KPNA5: variants seen among roughly 807,000 people sequenced by gnomAD.
The protein encoded by KPNA5 is importin subunit alpha-6.
In KPNA5, 46 loss-of-function variants were observed where a neutral mutation model predicts 71.3. The ratio of observed to expected loss-of-function variants is 0.65; its 90% CI spans 0.51 to 0.83. KPNA5 has a LOEUF of 0.83. KPNA5 is among the 40% of genes least tolerant of loss of function. KPNA5 has a pLI of 0.00. For missense variants in KPNA5, 547 were observed against 628.3 expected, an observed-to-expected ratio of 0.87 and a Z score of 1.38; for synonymous variants, 207 against 201.4, an observed-to-expected ratio of 1.03 and a Z score of -0.24.
At chr6:116,705,426 A>G (rs1019722737) in intron 7 of KPNA5, among the ~76,000 whole-genome samples, 1 of 152,226 alleles carries the variant, frequency 6.6e-6, no homozygotes, top group Non-Finnish European at 1.5e-5. Context: ...AAGGATATAT[A>G]GTAGTTTATA....
chr6:116,734,617 A>G lies in KPNA5; in HGVS notation c.*2294A>G. 6.6e-6 allele frequency: 1 copy of G among 151,432 alleles called. No homozygotes were observed. The highest frequency in any genetic ancestry group is 1.5e-5 in the Non-Finnish European group (1 of 67,576). The allele number at this position is 151,432 out of a possible 1,614,324, so 9.4% of individuals were successfully genotyped here. On this transcript the variant is annotated 3_prime_UTR_variant, in exon 14 of 14. Transcript: ENST00000368564. ...TTATTGTTAAGAGTTTATTGGATCA[A>G]GACTAACAAATAACTTTGTGATGAA...
chr6:116,685,613 G>T (rs1777548289), intron 1 of KPNA5, among the ~76,000 whole-genome samples: 1 of 152,168 alleles, frequency 6.6e-6, no homozygotes, highest in Non-Finnish European at 1.5e-5. Context: ...CAGAAGACAT[G>T]ATCACATTCT....
At chr6:116,685,220 C>T (rs1369493617) in intron 1 of KPNA5, among the ~76,000 whole-genome samples, 2 of 152,192 alleles carry the variant, frequency 1.3e-5, no homozygotes, top group Non-Finnish European at 2.9e-5. Context: ...TAGATGCCAA[C>T]AATGTGGACG....
intron 7 of KPNA5, among the ~76,000 whole-genome samples, chr6:116,706,621 G>A (rs369615516): frequency 6.6e-6 from 1 of 152,056 alleles, no homozygotes; most frequent in African/African-American, 2.4e-5. Context: ...CCCAGGAGGT[G>A]GAGGTTGTGG....
At chr6:116,689,575 C>A in intron 2 of KPNA5, 122 bp downstream of exon 2, 2 of 813,686 alleles carry the variant, frequency 2.5e-6, no homozygotes, top group South Asian at 2.9e-5. Flanking sequence ...ATTTATTAGA[C>A]TCCAGGCATC....
At chr6:116,687,198 G>A (rs1226777227) in intron 1 of KPNA5, among the ~76,000 whole-genome samples, 1 of 152,196 alleles carries the variant, frequency 6.6e-6, no homozygotes, top group East Asian at 1.9e-4. Flanking sequence ...TGTCATCTCT[G>A]ATTTCTTTTA....
chr6:116,692,786 C>T (rs1583406589), intron 4 of KPNA5, among the ~76,000 whole-genome samples: 1 of 151,834 alleles, frequency 6.6e-6, no homozygotes, highest in Non-Finnish European at 1.5e-5. Context: ...GCACAACGTG[C>T]AGGTTTATTA....
At chr6:116,728,691 G>A (rs540591152) in intron 12 of KPNA5, among the ~76,000 whole-genome samples, 1 of 151,598 alleles carries the variant, frequency 6.6e-6, no homozygotes, top group African/African-American at 2.4e-5. Flanking sequence ...AATGTCTATT[G>A]TGTTCTTACA....
chr6:116,710,895 T>TA (rs61559803), intron 7 of KPNA5, among the ~76,000 whole-genome samples: 2,029 of 57,470 alleles, frequency 0.035, 15 homozygotes, highest in Middle Eastern at 0.056. Flanking sequence ...ATATATATAT[T>TA]TTTTTTTTTT....
chr6:116,692,358 A>G lies in KPNA5; in HGVS notation c.306A>G (p.Thr102=), dbSNP rs777146190. 46 of 1,605,104 alleles carry G rather than the reference A, an allele frequency of 2.9e-5. No individual in the cohort carries two copies. The highest frequency in any genetic ancestry group is 8.6e-5 in the Admixed American group (5 of 58,284). ...IFSNNADQQL[T]ATQKFRKLLS... ...CTAATAATGCTGATCAACAGCTAAC[A>G]GCAACACAGAAATTTAGAAAGCTGC... Residue 102 remains threonine (T), a synonymous_variant, in exon 4 of 14, where the codon ACA becomes ACG. Transcript: ENST00000368564.
chr6:116,727,405 C>T (rs1779329961), intron 12 of KPNA5, among the ~76,000 whole-genome samples: 1 of 151,924 alleles, frequency 6.6e-6, no homozygotes, highest in African/African-American at 2.4e-5. Context: ...CAGTACAACA[C>T]TACAAAATAA....
At chr6:116,730,834 G>T (rs1426312557) in intron 13 of KPNA5, among the ~76,000 whole-genome samples, 2 of 150,524 alleles carry the variant, frequency 1.3e-5, no homozygotes, top group African/African-American at 4.9e-5. Flanking sequence ...CATATTTATT[G>T]TACTTTGTCT....
intron 8 of KPNA5, among the ~76,000 whole-genome samples, chr6:116,720,092 C>G (rs1411727805): frequency 2.0e-5 from 3 of 152,172 alleles, no homozygotes; most frequent in African/African-American, 7.2e-5. Flanking sequence ...AGTCACCTAC[C>G]TTTGTAGTAG....
intron 2 of KPNA5, among the ~76,000 whole-genome samples, chr6:116,691,355 G>A (rs1361088705): frequency 1.3e-5 from 2 of 152,188 alleles, no homozygotes; most frequent in Non-Finnish European, 2.9e-5. Flanking sequence ...CTGGGCTTGT[G>A]CAGCCCTCCC....
rs1779537221 is a variant in KPNA5 at position 116,732,451 on chromosome 6, CA to C, written c.*132del. The C allele has an allele frequency of 1.2e-5, 5 of 407,992 alleles. No homozygotes were observed. In the East Asian group the frequency reaches 2.0e-4, roughly 16 times the overall value. The allele number at this position is 407,992 out of a possible 1,614,324, so 25.3% of individuals were successfully genotyped here. A position where few individuals can be genotyped will look rare whatever the true frequency, so the allele number is the denominator to read the frequency against. Reference sequence around the variant, plus strand: ...GAGAATTTGATGCACTTTTAGAAAGCAAAATGAAACAAAAATTTCCATTCAG... The same window carrying C: ...GAGAATTTGATGCACTTTTAGAAAGCAAATGAAACAAAAATTTCCATTCAG... On this transcript the variant is annotated 3_prime_UTR_variant, in exon 14 of 14. Transcript: ENST00000368564.
intron 6 of KPNA5, among the ~76,000 whole-genome samples, chr6:116,704,265 C>T (rs987942831): frequency 1.3e-5 from 2 of 152,116 alleles, no homozygotes; most frequent in African/African-American, 4.8e-5. Flanking sequence ...TCGCAAACTC[C>T]TGACCTCAAG....
At chr6:116,681,455 A>G in intron 1 of KPNA5, 117 bp downstream of exon 1, 1 of 1,424,112 alleles carries the variant, frequency 7.0e-7, no homozygotes, top group Non-Finnish European at 9.2e-7. Context: ...AGGTCTCTGG[A>G]ACCTGGCGGT....
intron 1 of KPNA5, among the ~76,000 whole-genome samples, chr6:116,688,378 C>T (rs1777674493): frequency 1.3e-5 from 2 of 152,054 alleles, no homozygotes; most frequent in African/African-American, 4.8e-5. Flanking sequence ...GATATGTCCT[C>T]TGAATTTAAC....
intron 2 of KPNA5, among the ~76,000 whole-genome samples, chr6:116,691,367 C>T (rs1189154779): frequency 1.3e-5 from 2 of 152,212 alleles, no homozygotes; most frequent in Non-Finnish European, 2.9e-5. Context: ...AGCCCTCCCA[C>T]CTCAGCTTCT....
Sources: gnomAD v4.1 joint callset for allele counts (sites outside exome capture counted in the v4.1 genomes callset) on GRCh38, gnomAD v4.1.1 for gene constraint, MANE v1.5 for transcripts, NCBI Gene and HGNC (gene_info 2026-07-23, HGNC 2026-07-21) for gene names.